The following TBC1D19 variants were observed in gnomAD, a reference collection of about 807,000 sequenced individuals.
TBC1D19 encodes TBC1 domain family, member 19.
A neutral mutation model predicts 89.0 loss-of-function variants in TBC1D19; 60 were observed. The ratio of observed to expected loss-of-function variants is 0.67; its 90% CI spans 0.55 to 0.84. TBC1D19 has a LOEUF of 0.84. Among genes scored for constraint, TBC1D19 ranks in the 40% least tolerant of loss-of-function variants. The pLI, the probability that TBC1D19 is intolerant of heterozygous loss-of-function variation, is 0.00. For missense variants in TBC1D19, 500 were observed against 610.8 expected, an observed-to-expected ratio of 0.82 and a Z score of 1.91; for synonymous variants, 189 against 199.7, an observed-to-expected ratio of 0.95 and a Z score of 0.45.
the TBC1D19 span, among the ~76,000 whole-genome samples, chr4:26,851,243 G>A: frequency 6.6e-6 from 1 of 151,896 alleles, no homozygotes; most frequent in Non-Finnish European, 1.5e-5. Context: ...AGGTTGCAGA[G>A]GGCCTGTCAT....
At chr4:26,621,315 C>A (rs1262113222) in intron 4 of TBC1D19, among the ~76,000 whole-genome samples, 1 of 152,200 alleles carries the variant, frequency 6.6e-6, no homozygotes, top group African/African-American at 2.4e-5. Context: ...ACTCACCTCC[C>A]CTCAGTCCAG....
chr4:26,807,034 G>A, the TBC1D19 span, among the ~76,000 whole-genome samples: 5 of 152,148 alleles, frequency 3.3e-5, no homozygotes, highest in Non-Finnish European at 7.3e-5. Context: ...TCACTGGTGA[G>A]AGAGTGAGTG....
At chr4:26,823,724 G>A in the TBC1D19 span, among the ~76,000 whole-genome samples, 1 of 152,242 alleles carries the variant, frequency 6.6e-6, no homozygotes, top group South Asian at 2.1e-4. Context: ...TGCTGCTTAA[G>A]CTTGTTCTAG....
chr4:26,655,367 C>T (rs900535130), intron 7 of TBC1D19, among the ~76,000 whole-genome samples: 16 of 152,192 alleles, frequency 1.1e-4, no homozygotes, highest in African/African-American at 3.1e-4. Flanking sequence ...TCTCAAGCTG[C>T]GTGCTGGGAG....
chr4:26,705,030 ATCTTT>A (rs1421567519), intron 13 of TBC1D19, among the ~76,000 whole-genome samples: 1 of 152,084 alleles, frequency 6.6e-6, no homozygotes, highest in Non-Finnish European at 1.5e-5. Context: ...GATATTGAGC[ATCTTT>A]TCTTGTGCTC....
At chr4:26,830,231 G>C in the TBC1D19 span, among the ~76,000 whole-genome samples, 14 of 152,272 alleles carry the variant, frequency 9.2e-5, no homozygotes, top group South Asian at 2.9e-3. Flanking sequence ...TAAGTAATGC[G>C]TATATGCAAA....
intron 7 of TBC1D19, among the ~76,000 whole-genome samples, chr4:26,658,935 G>A (rs1241615741): frequency 6.6e-6 from 1 of 152,152 alleles, no homozygotes; most frequent in Non-Finnish European, 1.5e-5. Context: ...CATTGATTTT[G>A]TATCCTGAAA....
At chr4:26,596,647 T>C (rs1740241272) in intron 1 of TBC1D19, among the ~76,000 whole-genome samples, 1 of 149,950 alleles carries the variant, frequency 6.7e-6, no homozygotes, top group South Asian at 2.1e-4. Flanking sequence ...TGATTTGCTG[T>C]TCTTTTTCTA....
chr4:26,625,955 T>C (rs1742366218), intron 4 of TBC1D19, among the ~76,000 whole-genome samples: 3 of 152,134 alleles, frequency 2.0e-5, no homozygotes, highest in African/African-American at 7.2e-5. Flanking sequence ...CTGTACTCTT[T>C]GGAAGGAAGT....
upstream of TBC1D19, among the ~76,000 whole-genome samples, chr4:26,582,545 C>T (rs149224028): frequency 1.3e-5 from 2 of 152,300 alleles, no homozygotes; most frequent in African/African-American, 4.8e-5. Context: ...CTCTCTCTGC[C>T]TCTTCTTTCT....
intron 15 of TBC1D19, among the ~76,000 whole-genome samples, chr4:26,734,982 GTATATGTATATATGTATACACA>G: frequency 6.7e-6 from 1 of 149,068 alleles, no homozygotes; most frequent in Non-Finnish European, 1.5e-5. Context: ...ATACACATAT[GTATATGTATATATGTATACACA>G]TATGTATATG....
intron 11 of TBC1D19, among the ~76,000 whole-genome samples, chr4:26,678,992 G>A (rs916680749): frequency 6.6e-6 from 1 of 152,192 alleles, no homozygotes; most frequent in Non-Finnish European, 1.5e-5. Context: ...AAGCAGCAAA[G>A]CATTGAAGAG....
At chr4:26,680,258 A>T (rs1713216649) in intron 11 of TBC1D19, among the ~76,000 whole-genome samples, 1 of 152,222 alleles carries the variant, frequency 6.6e-6, no homozygotes, top group Non-Finnish European at 1.5e-5. Flanking sequence ...AATACATCTG[A>T]TATCTCAGCT....
chr4:26,592,032 C>T (rs1379889586), intron 1 of TBC1D19, among the ~76,000 whole-genome samples: 1 of 151,936 alleles, frequency 6.6e-6, no homozygotes, highest in Non-Finnish European at 1.5e-5. Context: ...AGAGACACAA[C>T]AAAAAAAGAG....
intron 14 of TBC1D19, among the ~76,000 whole-genome samples, chr4:26,719,689 A>G (rs2109268014): frequency 6.6e-6 from 1 of 152,262 alleles, no homozygotes; most frequent in South Asian, 2.1e-4. Flanking sequence ...AACTTTCAGC[A>G]CATTCCATAA....
At chr4:26,743,683 T>G (rs1434787537) in intron 18 of TBC1D19, among the ~76,000 whole-genome samples, 1 of 151,958 alleles carries the variant, frequency 6.6e-6, no homozygotes, top group Non-Finnish European at 1.5e-5. Flanking sequence ...ATATCATCCA[T>G]TGATAATACT....
In TBC1D19 at chr4:26,614,391, CT is replaced by C. The variant is rs35051529; in HGVS notation, c.173-10del. 13 of 1,551,854 alleles carry C rather than the reference CT, an allele frequency of 8.4e-6. No homozygotes were observed. Among genetic ancestry groups the C allele is most frequent in the Middle Eastern group, 1.8e-4 (1 of 5,520 alleles). ...AACTAGTATGTTCATATATTTTATT[CT>C]TTTTTTAAAAAACAGGTTGGGAGAA... On this transcript the variant is annotated splice_polypyrimidine_tract_variant and intron_variant, in intron 2 of 20. Transcript: ENST00000264866.
the TBC1D19 span, among the ~76,000 whole-genome samples, chr4:26,804,842 G>A: frequency 6.6e-6 from 1 of 152,202 alleles, no homozygotes; most frequent in Non-Finnish European, 1.5e-5. Flanking sequence ...GGTTGAAGAG[G>A]GAAAATTTAA....
intron 8 of TBC1D19, among the ~76,000 whole-genome samples, chr4:26,661,712 C>T (rs1745231100): frequency 6.6e-6 from 1 of 152,152 alleles, no homozygotes; most frequent in Admixed American, 6.6e-5. Context: ...AACCTGGCCC[C>T]AGGTTCACTT....
Sources: allele counts gnomAD v4.1 joint callset (sites outside exome capture counted in the v4.1 genomes callset), GRCh38; gene constraint gnomAD v4.1.1; transcripts MANE v1.5; gene names NCBI Gene and HGNC (gene_info 2026-07-23, HGNC 2026-07-21).